Variants in HYDIN observed in about 807,000 individuals in gnomAD.
HYDIN encodes HYDIN axonemal central pair apparatus protein.
A neutral mutation model predicts 403.9 loss-of-function variants in HYDIN; 132 were observed. That is an observed-to-expected ratio of 0.33 (90% CI 0.28 to 0.38). HYDIN has a LOEUF of 0.38. HYDIN is among the 10% of genes least tolerant of loss of function. HYDIN has a pLI of 1.00. For synonymous variants in HYDIN, 1,202 were observed against 1,891.7 expected (o/e 0.64, Z 9.46); for missense variants, 2,827 against 5,009.5 (o/e 0.56, Z 13.15).
At chr16:71,125,543 G>A (rs1446523595) in intron 9 of HYDIN, among the ~76,000 whole-genome samples, 1 of 152,074 alleles carries the variant, frequency 6.6e-6, no homozygotes, top group East Asian at 1.9e-4. Flanking sequence ...TACCCTGTTT[G>A]TGTACAAGGC....
At chr16:70,999,084 C>T (rs1303748932) in intron 23 of HYDIN, among the ~76,000 whole-genome samples, 3 of 152,154 alleles carry the variant, frequency 2.0e-5, no homozygotes, top group African/African-American at 7.2e-5. Context: ...ACTCAAGTTA[C>T]TCAGAGCTTA....
intron 12 of HYDIN, among the ~76,000 whole-genome samples, chr16:71,081,241 G>A (rs1416416495): frequency 1.3e-5 from 2 of 152,090 alleles, no homozygotes; most frequent in African/African-American, 4.8e-5. Context: ...GATACTTCCG[G>A]TTGCTTCAGC....
intron 83 of HYDIN, among the ~76,000 whole-genome samples, chr16:70,823,919 A>G (rs2036420243): frequency 1.4e-5 from 2 of 145,548 alleles, no homozygotes; most frequent in African/African-American, 5.1e-5. Context: ...TGTAGTCAGG[A>G]AATTGTCCTT....
At position 71,062,270 on chromosome 16, in the gene HYDIN, T is replaced by C. The variant is rs1288927266; in HGVS notation, c.2275A>G (p.Ser759Gly). 5.2e-6 allele frequency: 8 copies of C among 1,538,038 alleles called. No individual in the cohort carries two copies. The highest frequency in any genetic ancestry group is 7.1e-6 in the Non-Finnish European group (8 of 1,126,528). The change falls in exon 17 of 86, where the codon AGC (serine) becomes GGC (glycine). Residue 759 changes from serine (S) to glycine (G), a missense_variant. Transcript: ENST00000393567. The part of the protein sequence containing the change: ...SPTPSGVISP[S>G]STIHIPLVLE... ...ACCAGTGGTATGTGGATGGTGCTGC[T>C]TGGGGAGATGACCCCGCTGGGGGTG... is the stretch of plus-strand genomic sequence containing the variant.
At chr16:71,210,225 C>T (rs2088511755) in intron 1 of HYDIN, among the ~76,000 whole-genome samples, 1 of 152,236 alleles carries the variant, frequency 6.6e-6, no homozygotes, top group East Asian at 1.9e-4. Flanking sequence ...TTCACTGCAG[C>T]ACTAATCACA....
chr16:70,923,734 T>C (rs1382104698), intron 45 of HYDIN, among the ~76,000 whole-genome samples: 1 of 142,372 alleles, frequency 7.0e-6, no homozygotes, highest in Non-Finnish European at 1.5e-5. Flanking sequence ...AGCAGGAGAA[T>C]GGCATGAACC....
At chr16:70,835,222 T>C (rs1202210604) in intron 78 of HYDIN, among the ~76,000 whole-genome samples, 7 of 151,962 alleles carry the variant, frequency 4.6e-5, no homozygotes, top group African/African-American at 1.7e-4. Context: ...AGTCTTGAAC[T>C]CCTGGCCTTG....
At chr16:70,863,009 T>G in intron 68 of HYDIN, 76 bp downstream of exon 68, 1 of 1,092,690 alleles carries the variant, frequency 9.2e-7, no homozygotes, top group Non-Finnish European at 1.4e-6. Context: ...TGAGCAGTGC[T>G]GGCCTCTCCA....
Position 71,093,646 on chromosome 16 carries a change from T to C in HYDIN, c.1446+171A>G, listed in dbSNP as rs867435925. The C allele has an allele frequency of 8.6e-4, 364 of 425,152 alleles. 1 individual carries two copies. The Middle Eastern group carries it at 9.2e-3, about 11-fold the overall frequency. 26.3% of individuals were successfully genotyped at this position (425,152 alleles called of 1,614,324 possible). On this transcript the variant is annotated intron_variant, in intron 11 of 85. Coordinates refer to ENST00000393567, the MANE Select transcript of HYDIN (RefSeq NM_001270974.2). ...GATAAAAAAGTTGTTCCCCTCATGA[T>C]GGCCAGGCAGGAGGAGGAAGAATCT...
At position 70,803,343 on chromosome 16, in the gene HYDIN, T is replaced by A. The variant is rs1012161358; in HGVS notation, c.*4237A>T. On this transcript the variant is annotated 3_prime_UTR_variant, in exon 86 of 86. Transcript: ENST00000393567. ...CCAACTAGGTAAGATTATTTATGCA[T>A]AATTGAGCTAGCAGTGGTGGTAAAA... Among the ~76,000 whole-genome samples, 1 of 152,194 alleles carries A rather than the reference T, an allele frequency of 6.6e-6. No individual in the cohort carries two copies. The highest frequency in any genetic ancestry group is 1.5e-5 in the Non-Finnish European group (1 of 68,038).
intron 85 of HYDIN, among the ~76,000 whole-genome samples, chr16:70,808,470 C>A (rs945393992): frequency 2.6e-5 from 4 of 152,096 alleles, no homozygotes; most frequent in African/African-American, 7.2e-5. Flanking sequence ...CATGCTAGAG[C>A]CTTTCATTGC....
chr16:71,157,185 G>A (rs914660168), intron 6 of HYDIN, among the ~76,000 whole-genome samples: 1 of 151,634 alleles, frequency 6.6e-6, no homozygotes. Context: ...GACATGCAAA[G>A]AAAGTTTTAG....
At chr16:71,085,881 A>G (rs1163485857) in intron 12 of HYDIN, among the ~76,000 whole-genome samples, 2 of 152,138 alleles carry the variant, frequency 1.3e-5, no homozygotes, top group Non-Finnish European at 2.9e-5. Flanking sequence ...AAGCATATAG[A>G]TACAAGATAG....
intron 23 of HYDIN, among the ~76,000 whole-genome samples, chr16:71,007,078 T>C (rs2079912674): frequency 6.9e-6 from 1 of 145,200 alleles, no homozygotes; most frequent in Non-Finnish European, 1.5e-5. Context: ...GTCCCTCCCT[T>C]CCTTCCTTCC....
Position 70,849,812 on chromosome 16 carries a change from C to T in HYDIN, c.12787G>A (p.Val4263Met). 1.2e-6 allele frequency: 1 copy of T among 858,528 alleles called. No individual in the cohort carries two copies. Among genetic ancestry groups the T allele is most frequent in the Non-Finnish European group, 1.9e-6 (1 of 534,474 alleles). The allele number at this position is 858,528 out of a possible 1,614,324, so 53.2% of individuals were successfully genotyped here. ...GCATGTACACTCTGTCCTACATCCA[C>T]AGTGCTGTCGATGGGTGAAAATTCC... ...YLEFSPIDST[V>M]DVGQSVHATL... Residue 4263 changes from valine to methionine, a missense_variant, in exon 75 of 86, where the codon GTG becomes ATG. Physicochemically the swap from Val to Met is conservative, Grantham distance 21. Transcript: ENST00000393567.
At chr16:71,170,711 A>C (rs1194631168) in intron 5 of HYDIN, among the ~76,000 whole-genome samples, 1 of 152,182 alleles carries the variant, frequency 6.6e-6, no homozygotes, top group Non-Finnish European at 1.5e-5. Context: ...ATGTAATGAT[A>C]TTAAGGAGTG....
At chr16:70,982,291 C>T (rs1373497504) in intron 28 of HYDIN, among the ~76,000 whole-genome samples, 2 of 150,720 alleles carry the variant, frequency 1.3e-5, no homozygotes, top group Non-Finnish European at 3.0e-5. Context: ...ACTCAAAAAC[C>T]TTAGAGTGAT....
At chr16:71,190,374 G>A (rs547802894) in intron 1 of HYDIN, among the ~76,000 whole-genome samples, 2 of 150,128 alleles carry the variant, frequency 1.3e-5, no homozygotes, top group East Asian at 1.9e-4. Flanking sequence ...CAATAGATCC[G>A]TTCTTTTAAA....
In HYDIN at chr16:70,907,459, T is replaced by C. The variant is rs200410378; in HGVS notation, c.8429A>G (p.Lys2810Arg). 2 of 591,628 alleles carry C rather than the reference T, an allele frequency of 3.4e-6. No homozygotes were observed. The highest frequency in any genetic ancestry group is 3.0e-5 in the Admixed American group (1 of 33,044). 36.6% of individuals were successfully genotyped at this position (591,628 alleles called of 1,614,324 possible). A position where few individuals can be genotyped will look rare whatever the true frequency, so the allele number is the denominator to read the frequency against. The change falls in exon 50 of 86, where the codon AAG (lysine) becomes AGG (arginine). Residue 2810 changes from lysine (K) to arginine (R), a missense_variant. By Grantham distance (26) the Lys-to-Arg change is conservative. Transcript: ENST00000393567. ...CTTCTTAAAGATGACCTCATTTGTC[T>C]TCATGTCCATCTTCCGCTGAGGAAA... ...VVFPQRKMDM[K>R]TNEVIFKKYV...
Sources: allele counts gnomAD v4.1 joint callset (sites outside exome capture counted in the v4.1 genomes callset), GRCh38; gene constraint gnomAD v4.1.1; transcripts MANE v1.5; gene names NCBI Gene and HGNC (gene_info 2026-07-23, HGNC 2026-07-21).